ENPP2: variants seen among roughly 807,000 people sequenced by gnomAD.
ENPP2 encodes the protein autotaxin.
ENPP2 carries 51 observed loss-of-function variants against 120.2 expected under a neutral mutation model. The observed-to-expected ratio is 0.42, with a 90% confidence interval of 0.34 to 0.54. The LOEUF (loss-of-function observed/expected upper bound fraction) is 0.54. Among genes scored for constraint, ENPP2 ranks in the 20% least tolerant of loss-of-function variants. The probability of loss-of-function intolerance (pLI) is 0.04; values close to 1 mark genes in which losing one functional copy is unlikely to be tolerated. For synonymous variants in ENPP2, 365 were observed against 366.4 expected, an observed-to-expected ratio of 1.00 and a Z score of 0.04; for missense variants, 920 against 1,066.5, an observed-to-expected ratio of 0.86 and a Z score of 1.91.
intron 1 of ENPP2, among the ~76,000 whole-genome samples, chr8:119,650,499 T>C (rs1291488637): frequency 4.6e-5 from 7 of 152,168 alleles, no homozygotes; most frequent in African/African-American, 1.7e-4. Context: ...AAAAAAGCTA[T>C]TTTAAAAAAG....
chr8:119,587,973 G>A (rs1587402944), intron 13 of ENPP2, among the ~76,000 whole-genome samples: 1 of 151,940 alleles, frequency 6.6e-6, no homozygotes, highest in East Asian at 1.9e-4. Context: ...TGCATCCCTG[G>A]GCCTGTTCAG....
chr8:119,560,596 G>A (rs776465910), intron 24 of ENPP2, among the ~76,000 whole-genome samples: 1 of 152,124 alleles, frequency 6.6e-6, no homozygotes, highest in Non-Finnish European at 1.5e-5. Context: ...TGAGCACAAT[G>A]TTCAGTCTCC....
intron 17 of ENPP2, among the ~76,000 whole-genome samples, chr8:119,583,139 G>A (rs1028755419): frequency 4.6e-5 from 7 of 152,184 alleles, no homozygotes; most frequent in African/African-American, 9.7e-5. Context: ...TGCCAAGTGC[G>A]TATTCAGTAA....
Position 119,593,850 on chromosome 8 carries a change from G to A in ENPP2, c.983C>T (p.Pro328Leu), listed in dbSNP as rs1282386453. The A allele has an allele frequency of 5.6e-6, 9 of 1,603,214 alleles. No individual in the cohort carries two copies. Among genetic ancestry groups the A allele is most frequent in the Non-Finnish European group, 7.7e-6 (9 of 1,170,106 alleles). ...YGPFGPEMTNPLREIDKIVGQ... is the reference protein window; with the variant it reads ...YGPFGPEMTNLLREIDKIVGQ... ...CACAATTTTGTCGATTTCCCTCAGA[G>A]GATTTGTCATCTAGGAAAAAGAAGC... is the stretch of plus-strand genomic sequence containing the variant. The change falls in exon 12 of 25, where the codon CCT (proline) becomes CTT (leucine). Residue 328 changes from proline (P) to leucine (L), a missense_variant. By Grantham distance (98) the Pro-to-Leu change is moderately conservative. Coordinates refer to ENST00000075322, the MANE Select transcript of ENPP2 (RefSeq NM_001040092.3).
chr8:119,636,008 C>T (rs370871504), intron 2 of ENPP2, among the ~76,000 whole-genome samples: 1 of 152,148 alleles, frequency 6.6e-6, no homozygotes, highest in African/African-American at 2.4e-5. Context: ...CTGATCAATC[C>T]GAAGCTAGCC....
chr8:119,601,084 A>C (rs1205637890), intron 10 of ENPP2, among the ~76,000 whole-genome samples: 2 of 152,176 alleles, frequency 1.3e-5, no homozygotes, highest in Non-Finnish European at 2.9e-5. Context: ...AACTAACTGC[A>C]TTACAGAGAA....
At chr8:119,583,388 A>C (rs573184871) in intron 17 of ENPP2, among the ~76,000 whole-genome samples, 1 of 152,208 alleles carries the variant, frequency 6.6e-6, no homozygotes, top group East Asian at 1.9e-4. Context: ...AATGCAAGAG[A>C]TGGAGGTGGA....
intron 15 of ENPP2, among the ~76,000 whole-genome samples, chr8:119,585,028 A>T (rs970001532): frequency 5.3e-5 from 8 of 152,202 alleles, no homozygotes; most frequent in Non-Finnish European, 1.0e-4. Context: ...TAATTTGCCC[A>T]ACTGTCATCA....
intron 17 of ENPP2, 83 bp from the exon 18 acceptor site, chr8:119,582,685 T>C (rs1011690828): frequency 1.0e-6 from 1 of 1,000,702 alleles, no homozygotes; most frequent in Non-Finnish European, 1.5e-6. Context: ...CTTCACCTTC[T>C]ATGGGTCTGA....
chr8:119,593,707 A>C (rs778655262), intron 12 of ENPP2, 45 bp downstream of exon 12: 1 of 1,164,890 alleles, frequency 8.6e-7, no homozygotes, highest in Non-Finnish European at 1.3e-6. Flanking sequence ...ATGATCAGAA[A>C]CATTATCCAT....
In ENPP2 at chr8:119,557,178, CT is replaced by C. The variant is rs371722227; in HGVS notation, c.*342del. On this transcript the variant is annotated 3_prime_UTR_variant, in exon 25 of 25. Coordinates refer to ENST00000075322, the MANE Select transcript of ENPP2 (RefSeq NM_001040092.3). ...AACAGTTAACAGCAAATAAAGGCAA[CT>C]TTACAAAATCAGTGTTTCCATACAG... The C allele has an allele frequency of 7.6e-5, 13 of 171,176 alleles. No homozygotes were observed. The highest frequency in any genetic ancestry group is 3.1e-4 in the African/African-American group (13 of 42,144). 10.6% of individuals were successfully genotyped at this position (171,176 alleles called of 1,614,324 possible). A position where few individuals can be genotyped will look rare whatever the true frequency, so the allele number is the denominator to read the frequency against.
rs1456151316 is a variant in ENPP2, at chr8:119,593,819, T to G, written c.1014A>C (p.Gln338His). The change falls in exon 12 of 25, where the codon CAA (glutamine) becomes CAC (histidine). Residue 338 changes from glutamine (Q) to histidine (H), a missense_variant. Gln to His is a conservative substitution (Grantham distance 24). Coordinates refer to ENST00000075322, the MANE Select transcript of ENPP2 (RefSeq NM_001040092.3). ...PLREIDKIVG[Q>H]LMDGLKQLKL... ...TTAGTTGTTTCAGTCCATCCATTAATTGCCCCACAATTTTGTCGATTTCCC... is the reference window on the plus strand; with the variant it reads ...TTAGTTGTTTCAGTCCATCCATTAAGTGCCCCACAATTTTGTCGATTTCCC... 6.2e-7 allele frequency: 1 copy of G among 1,613,266 alleles called. No individual in the cohort carries two copies. The highest frequency in any genetic ancestry group is 1.3e-5 in the African/African-American group (1 of 74,910).
chr8:119,636,465 G>A (rs79412571), intron 2 of ENPP2, among the ~76,000 whole-genome samples: 13 of 152,240 alleles, frequency 8.5e-5, no homozygotes, highest in Admixed American at 3.3e-4. Flanking sequence ...TAAGCTTCAC[G>A]TGGTTAGAAG....
intron 12 of ENPP2, among the ~76,000 whole-genome samples, chr8:119,590,982 A>G (rs1186748531): frequency 1.5e-5 from 2 of 136,464 alleles, no homozygotes; most frequent in Admixed American, 7.8e-5. Flanking sequence ...CTTTATGAAA[A>G]AGATCTATTC....
chr8:119,609,044 A>G (rs1326413260), intron 8 of ENPP2, among the ~76,000 whole-genome samples: 4 of 152,228 alleles, frequency 2.6e-5, no homozygotes, highest in African/African-American at 4.8e-5. Context: ...CAAAACAAAA[A>G]TGATCTGGGA....
chr8:119,649,890 T>G (rs1817579370), intron 1 of ENPP2, among the ~76,000 whole-genome samples: 1 of 152,224 alleles, frequency 6.6e-6, no homozygotes, highest in African/African-American at 2.4e-5. Context: ...ATTTAAAAGA[T>G]AGTTAATACA....
intron 8 of ENPP2, among the ~76,000 whole-genome samples, chr8:119,612,043 TAA>T: frequency 6.6e-6 from 1 of 151,600 alleles, no homozygotes; most frequent in East Asian, 1.9e-4. Context: ...AAAATAAAAA[TAA>T]AAAGAGATTT....
chr8:119,669,553 T>C (rs1024153981), intron 1 of ENPP2, among the ~76,000 whole-genome samples: 1 of 152,188 alleles, frequency 6.6e-6, no homozygotes, highest in African/African-American at 2.4e-5. Flanking sequence ...GCATGCCTAA[T>C]TTGACTTATG....
chr8:119,600,541 C>A, intron 11 of ENPP2, 137 bp downstream of exon 11: 1 of 560,926 alleles, frequency 1.8e-6, no homozygotes. Context: ...AATTTTTAGT[C>A]TTGTAGTTAT....
Sources: gnomAD v4.1 joint callset for allele counts (sites outside exome capture counted in the v4.1 genomes callset) on GRCh38, gnomAD v4.1.1 for gene constraint, MANE v1.5 for transcripts, NCBI Gene and HGNC (gene_info 2026-07-23, HGNC 2026-07-21) for gene names.